MUC5B: variants seen among roughly 807,000 people sequenced by gnomAD.
MUC5B encodes the protein mucin-5B.
MUC5B carries 116 observed loss-of-function variants against 376.9 expected under a neutral mutation model. That is an observed-to-expected ratio of 0.31 (90% CI 0.26 to 0.36). The LOEUF (loss-of-function observed/expected upper bound fraction) is 0.36. MUC5B is among the 10% of genes least tolerant of loss of function. MUC5B has a pLI of 1.00. For synonymous variants in MUC5B, 3,517 were observed against 3,390.9 expected (o/e 1.04, Z -1.29); for missense variants, 7,165 against 7,769.9 (o/e 0.92, Z 2.93).
rs1239869410 is a variant in MUC5B at position 1,248,663 on chromosome 11, C to T, written c.11783C>T (p.Thr3928Ile). ...VLTTTTTTVA[T>I]GSMATPSSST... ...ACCACCACCACCACAACTGTGGCCACTGGTTCTATGGCAACACCCTCCTCT... is the reference window on the plus strand; with the variant it reads ...ACCACCACCACCACAACTGTGGCCATTGGTTCTATGGCAACACCCTCCTCT... Residue 3928 changes from threonine (T) to isoleucine (I), a missense_variant, in exon 31 of 49, where the codon ACT (threonine) becomes ATT (isoleucine). By Grantham distance (89) the Thr-to-Ile change is moderately conservative. Around this residue, in one of 31 missense-constraint regions of MUC5B, gnomAD observed 242 missense variants for 199.0 expected, o/e 1.22. Coordinates refer to ENST00000529681, the MANE Select transcript of MUC5B (RefSeq NM_002458.3). 7.5e-6 allele frequency: 12 copies of T among 1,603,200 alleles called. No individual in the cohort carries two copies. The highest frequency in any genetic ancestry group is 4.5e-5 in the East Asian group (2 of 44,074).
intron 46 of MUC5B, 49 bp downstream of exon 46, chr11:1,260,134 G>T: frequency 1.2e-6 from 2 of 1,601,092 alleles, no homozygotes; most frequent in Non-Finnish European, 8.5e-7. Flanking sequence ...GTCCATCAGG[G>T]AGGCCCAACC....
At chr11:1,261,182 G>T (rs762818) in intron 48 of MUC5B, among the ~76,000 whole-genome samples, 118 of 152,338 alleles carry the variant, frequency 7.7e-4, no homozygotes, top group Non-Finnish European at 1.5e-3. Context: ...GGCCACAGAA[G>T]ACAGAGCCGG....
Position 1,246,027 on chromosome 11 carries a change from C to A in MUC5B, c.9147C>A (p.Thr3049=). ...CCTCCTCCAGTCCAAGGACTGCAAC[C>A]ACCCTTCCAGTGCTGACAAGCACAG... ...ATSSSSPRTA[T]TLPVLTSTAT... Residue 3049 remains threonine (T), a synonymous_variant, in exon 31 of 49, where the codon ACC becomes ACA. Transcript: ENST00000529681. 3 of 1,613,042 alleles carry A rather than the reference C, an allele frequency of 1.9e-6. No individual in the cohort carries two copies. Among genetic ancestry groups the A allele is most frequent in the Non-Finnish European group, 1.7e-6 (2 of 1,179,572 alleles).
chr11:1,234,992 C>T lies in MUC5B; in HGVS notation c.2631-93C>T. On this transcript the variant is annotated intron_variant, in intron 21 of 48. Coordinates refer to ENST00000529681, the MANE Select transcript of MUC5B (RefSeq NM_002458.3). This position sits in a 1 kb window ranked among gnomAD's most constrained non-coding sequence, Gnocchi z 6.3. ...CAGGCTGGGCCTGGGGAGGCTGAGG[C>T]CCCGTGCTGACCTGCACAGGCCTGG... 1 of 1,463,550 alleles carries T rather than the reference C, an allele frequency of 6.8e-7. No individual in the cohort carries two copies. Among genetic ancestry groups the T allele is most frequent in the Non-Finnish European group, 9.0e-7 (1 of 1,105,678 alleles). 90.7% of individuals were successfully genotyped at this position (1,463,550 alleles called of 1,614,324 possible).
At chr11:1,260,289 A>G in intron 46 of MUC5B, 62 bp from the exon 47 acceptor site, 1 of 1,529,448 alleles carries the variant, frequency 6.5e-7, no homozygotes, top group Non-Finnish European at 9.0e-7. Context: ...CCTCCCCAGG[A>G]GGCCGCACCC....
Position 1,250,809 on chromosome 11 carries a change from G to T in MUC5B, c.13929G>T (p.Pro4643=). 1.2e-6 allele frequency: 2 copies of T among 1,612,456 alleles called. No individual in the cohort carries two copies. The highest frequency in any genetic ancestry group is 1.7e-6 in the Non-Finnish European group (2 of 1,179,338). Reference sequence around the variant, plus strand: ...CCACGGTGACCCCCTCCTCCATCCCGGGGACCACCCACACCGCCAGAGTGC... The same window carrying T: ...CCACGGTGACCCCCTCCTCCATCCCTGGGACCACCCACACCGCCAGAGTGC... The part of the protein sequence containing the change: ...SGSTVTPSSI[P]GTTHTARVLT... The change falls in exon 31 of 49, where the codon CCG becomes CCT. Residue 4643 remains proline (P), a synonymous_variant. Coordinates refer to ENST00000529681, the MANE Select transcript of MUC5B (RefSeq NM_002458.3).
In MUC5B at chr11:1,242,544, C is replaced by T; in HGVS notation, c.5664C>T (p.Thr1888=). The T allele has an allele frequency of 6.2e-7, 1 of 1,613,830 alleles. No individual in the cohort carries two copies. The highest frequency in any genetic ancestry group is 8.5e-7 in the Non-Finnish European group (1 of 1,179,818). ...CCDDYSHCPS[T]PATSSTATPS... is the part of the protein sequence containing the mutation. ...ACGACTACAGCCACTGCCCCAGTAC[C>T]CCAGCCACCAGCTCCACGGCCACGC... is the stretch of plus-strand genomic sequence containing the variant. The change falls in exon 31 of 49, where the codon ACC becomes ACT. Residue 1888 remains threonine (T), a synonymous_variant. Transcript: ENST00000529681.
In MUC5B at chr11:1,244,227, T is replaced by G; in HGVS notation, c.7347T>G (p.Thr2449=). The G allele has an allele frequency of 6.2e-7, 1 of 1,610,574 alleles. No individual in the cohort carries two copies. Among genetic ancestry groups the G allele is most frequent in the Non-Finnish European group, 8.5e-7 (1 of 1,177,930 alleles). The stretch of plus-strand genomic sequence containing the variant: ...CAACAGCCACTACGACTGAGTCCAC[T>G]GGATCCACGGCCACCCCGTCCTCCA... ...LTTTATTTES[T]GSTATPSSTP... Residue 2449 remains threonine, a synonymous_variant, in exon 31 of 49, where the codon ACT becomes ACG. Transcript: ENST00000529681.
rs559248206 is a variant in MUC5B at position 1,223,114 on chromosome 11, A to G, written c.-10A>G. The G allele has an allele frequency of 2.4e-4, 144 of 609,366 alleles. No homozygotes were observed. In the African/African-American group the frequency reaches 2.6e-3, roughly 11 times the overall value. The allele number at this position is 609,366 out of a possible 1,614,324, so 37.7% of individuals were successfully genotyped here. Reference sequence around the variant, plus strand: ...CCGTCCCCGTCCCCCCACCCGTGCCAGCCCCCAGGATGGGTGCCCCGAGCG... The same window carrying G: ...CCGTCCCCGTCCCCCCACCCGTGCCGGCCCCCAGGATGGGTGCCCCGAGCG... On this transcript the variant is annotated 5_prime_UTR_variant, in exon 1 of 49. Coordinates refer to ENST00000529681, the MANE Select transcript of MUC5B (RefSeq NM_002458.3).
Position 1,226,099 on chromosome 11 carries a change from GC to G in MUC5B, c.128-105del, listed in dbSNP as rs910141883. ...CTTGGCCCCAGCCCATCAGTTTTGGGCTCCCCTTCAACTCTGGTGGCTGGCG... is the reference window on the plus strand; with the variant it reads ...CTTGGCCCCAGCCCATCAGTTTTGGGTCCCCTTCAACTCTGGTGGCTGGCG... On this transcript the variant is annotated intron_variant, in intron 2 of 48. Coordinates refer to ENST00000529681, the MANE Select transcript of MUC5B (RefSeq NM_002458.3). 74 of 1,167,602 alleles carry G rather than the reference GC, an allele frequency of 6.3e-5. No homozygotes were observed. In the Admixed American group the frequency reaches 1.6e-3, roughly 25 times the overall value. The allele number at this position is 1,167,602 out of a possible 1,614,324, so 72.3% of individuals were successfully genotyped here.
Position 1,260,788 on chromosome 11 carries a change from C to T in MUC5B, c.17069+60C>T, listed in dbSNP as rs370774190. On this transcript the variant is annotated intron_variant, in intron 48 of 48. Transcript: ENST00000529681. ...TGCGTGTGGTGGGTCCGCCCTGGCC[C>T]GTCAGCTGGCTGGCAGCCTGCTCTG... 85 of 1,294,702 alleles carry T rather than the reference C, an allele frequency of 6.6e-5. No individual in the cohort carries two copies. The East Asian group carries it at 1.5e-3, about 22-fold the overall frequency. The allele number at this position is 1,294,702 out of a possible 1,614,324, so 80.2% of individuals were successfully genotyped here.
Position 1,241,532 on chromosome 11 carries a change from C to T in MUC5B, c.4652C>T (p.Ala1551Val). 6.2e-7 allele frequency: 1 copy of T among 1,612,860 alleles called. No homozygotes were observed. Among genetic ancestry groups the T allele is most frequent in the Non-Finnish European group, 8.5e-7 (1 of 1,179,566 alleles). ...CAGCCTAAGGACATAGAGTGCCAGG[C>T]CGAGAGCTTCCCCAACTGGACCCTG... is the stretch of plus-strand genomic sequence containing the variant. ...CQQPKDIECQ[A>V]ESFPNWTLAQ... The change falls in exon 31 of 49, where the codon GCC becomes GTC. Residue 1551 changes from alanine (A) to valine (V), a missense_variant. Transcript: ENST00000529681.
Position 1,249,617 on chromosome 11 carries a change from C to G in MUC5B, c.12737C>G (p.Thr4246Arg), listed in dbSNP as rs375840216. ...GCCATGCCCTCCTCCACTCCGGGGACGACCTGGATCCTCACAGAGCTGACC... is the reference window on the plus strand; with the variant it reads ...GCCATGCCCTCCTCCACTCCGGGGAGGACCTGGATCCTCACAGAGCTGACC... ...STAMPSSTPG[T>R]TWILTELTTT... Residue 4246 changes from threonine to arginine, a missense_variant, in exon 31 of 49, where the codon ACG becomes AGG. Physicochemically the swap from Thr to Arg is moderately conservative, Grantham distance 71. Transcript: ENST00000529681. The G allele has an allele frequency of 1.2e-6, 2 of 1,611,878 alleles. No homozygotes were observed. The highest frequency in any genetic ancestry group is 8.5e-7 in the Non-Finnish European group (1 of 1,178,760).
rs764862792 is a variant in MUC5B, at chr11:1,247,103, C to T, written c.10223C>T (p.Ser3408Leu). The T allele has an allele frequency of 9.3e-5, 146 of 1,564,678 alleles. No individual in the cohort carries two copies. The highest frequency in any genetic ancestry group is 1.7e-4 in the Middle Eastern group (1 of 6,006). ...TATGSTTNPS[S>L]TPGTTPIPPV... ...ACCGGCTCCACCACCAACCCCTCCT[C>T]AACTCCAGGGACAACTCCCATCCCC... is the stretch of plus-strand genomic sequence containing the variant. Residue 3408 changes from serine to leucine, a missense_variant, in exon 31 of 49, where the codon TCA becomes TTA. Coordinates refer to ENST00000529681, the MANE Select transcript of MUC5B (RefSeq NM_002458.3).
At position 1,250,157 on chromosome 11, in the gene MUC5B, C is replaced by G; in HGVS notation, c.13277C>G (p.Thr4426Arg). 6.2e-7 allele frequency: 1 copy of G among 1,610,702 alleles called. No individual in the cohort carries two copies. The highest frequency in any genetic ancestry group is 8.5e-7 in the Non-Finnish European group (1 of 1,178,170). The change falls in exon 31 of 49, where the codon ACA becomes AGA. Residue 4426 changes from threonine (T) to arginine (R), a missense_variant. This residue lies in a region of MUC5B where 431 missense variants were observed against 390.4 expected (regional missense o/e 1.10). Coordinates refer to ENST00000529681, the MANE Select transcript of MUC5B (RefSeq NM_002458.3). ...GTTWILTELT[T>R]TATTTASTGS... ...ACCTGGATCCTCACAGAGCTGACCA[C>G]AACAGCCACTACGACTGCGTCCACT...
chr11:1,260,607 C>T lies in MUC5B; in HGVS notation c.16967-19C>T. The T allele has an allele frequency of 6.2e-7, 1 of 1,603,966 alleles. No individual in the cohort carries two copies. The highest frequency in any genetic ancestry group is 1.3e-5 in the African/African-American group (1 of 74,860). ...GTGAGGGTCCAGTGGGGCTCCACAT[C>T]TGCCTTTCCTCCTCCCAGACTCCTG... is the stretch of plus-strand genomic sequence containing the variant. On this transcript the variant is annotated intron_variant, in intron 47 of 48. Transcript: ENST00000529681.
In MUC5B at chr11:1,243,776, G is replaced by A; in HGVS notation, c.6896G>A (p.Ser2299Asn). 1 of 1,611,682 alleles carries A rather than the reference G, an allele frequency of 6.2e-7. No homozygotes were observed. The highest frequency in any genetic ancestry group is 8.5e-7 in the Non-Finnish European group (1 of 1,179,636). ...ACCCGCACCTCGACCCTGCTGCCCA[G>A]CAGCCCCACATCGGCCCCCATAACC... ...SKTRTSTLLP[S>N]SPTSAPITTV... The change falls in exon 31 of 49, where the codon AGC (serine) becomes AAC (asparagine). Residue 2299 changes from serine to asparagine, a missense_variant. This residue lies in a region of MUC5B where 26 missense variants were observed against 36.2 expected (regional missense o/e 0.72). Transcript: ENST00000529681.
chr11:1,252,275 C>A, intron 31 of MUC5B, 68 bp from the exon 32 acceptor site: 1 of 1,462,062 alleles, frequency 6.8e-7, no homozygotes, highest in South Asian at 1.4e-5. Context: ...TCTGCCTTTG[C>A]TCTCCCAGAA....
Position 1,230,583 on chromosome 11 carries a change from C to T in MUC5B, c.1453C>T (p.Leu485=), listed in dbSNP as rs2133810175. ...CTGCCTGAAAGCGGTGACGCTCAGC[C>T]TGGACGGCGGGGACACGGTGAGGAC... ...ENCLKAVTLS[L]DGGDTAIRVQ... The change falls in exon 12 of 49, where the codon CTG becomes TTG. Residue 485 remains leucine (L), a synonymous_variant. Coordinates refer to ENST00000529681, the MANE Select transcript of MUC5B (RefSeq NM_002458.3). The T allele has an allele frequency of 1.2e-6, 2 of 1,609,660 alleles. No homozygotes were observed. The highest frequency in any genetic ancestry group is 2.2e-5 in the East Asian group (1 of 44,790).
Sources: gnomAD v4.1 joint callset for allele counts (sites outside exome capture counted in the v4.1 genomes callset) on GRCh38, gnomAD v4.1.1 for gene constraint, gnomAD v4.1.1 regional missense constraint, Gnocchi (gnomAD v3.1) non-coding constraint, MANE v1.5 for transcripts, NCBI Gene and HGNC (gene_info 2026-07-23, HGNC 2026-07-21) for gene names.